Variants in ZNF326 observed in about 807,000 individuals in gnomAD.
ZNF326 encodes the protein zinc finger protein 326, also known as DBIRD complex subunit ZNF326.
A neutral mutation model predicts 63.1 loss-of-function variants in ZNF326; 30 were observed. That is an observed-to-expected ratio of 0.48 (90% CI 0.36 to 0.64). ZNF326 has a LOEUF of 0.64. Among genes scored for constraint, ZNF326 ranks in the 30% least tolerant of loss-of-function variants. The probability of loss-of-function intolerance (pLI) is 0.00; values close to 1 mark genes in which losing one functional copy is unlikely to be tolerated. For synonymous variants in ZNF326, 194 were observed against 228.2 expected (o/e 0.85, Z 1.35); for missense variants, 609 against 720.3 (o/e 0.85, Z 1.77).
intron 1 of ZNF326, among the ~76,000 whole-genome samples, chr1:89,997,698 T>A (rs1361460201): frequency 6.6e-6 from 1 of 152,152 alleles, no homozygotes; most frequent in Non-Finnish European, 1.5e-5. Context: ...AAAGAGCAAA[T>A]TAAATGGTAA....
At chr1:90,016,862 A>G (rs1212790397) in intron 7 of ZNF326, among the ~76,000 whole-genome samples, 1 of 152,236 alleles carries the variant, frequency 6.6e-6, no homozygotes, top group Non-Finnish European at 1.5e-5. Context: ...TTTAGAAGGC[A>G]AGACTTTTAT....
rs547487411 is a variant in ZNF326, at chr1:90,033,178, G to T, written c.*5477G>T. The T allele has an allele frequency of 6.6e-6, 1 of 152,216 alleles. No homozygotes were observed. Among genetic ancestry groups the T allele is most frequent in the East Asian group, 1.9e-4 (1 of 5,184 alleles). The allele number at this position is 152,216 out of a possible 1,614,324, so 9.4% of individuals were successfully genotyped here. A position where few individuals can be genotyped will look rare whatever the true frequency, so the allele number is the denominator to read the frequency against. On this transcript the variant is annotated 3_prime_UTR_variant, in exon 12 of 12. Coordinates refer to ENST00000340281, the MANE Select transcript of ZNF326 (RefSeq NM_182976.4). ...GCCTTCCACTACCTATTTCTTAGTAGATTTTACATTTTTAAAGGGTTGTAG... is the reference window on the plus strand; with the variant it reads ...GCCTTCCACTACCTATTTCTTAGTATATTTTACATTTTTAAAGGGTTGTAG...
chr1:90,013,944 A>G (rs1461156055), intron 7 of ZNF326, among the ~76,000 whole-genome samples: 1 of 152,140 alleles, frequency 6.6e-6, no homozygotes, highest in African/African-American at 2.4e-5. Context: ...GGGTGCCTGT[A>G]GTCCCAGCTA....
chr1:90,005,086 A>C, intron 3 of ZNF326, 47 bp from the exon 4 acceptor site: 1 of 1,614,032 alleles, frequency 6.2e-7, no homozygotes, highest in Non-Finnish European at 8.5e-7. Flanking sequence ...TTTGAGTGCC[A>C]GTAAAGGTGA....
chr1:90,014,083 A>G (rs1649382156), intron 7 of ZNF326, among the ~76,000 whole-genome samples: 1 of 152,062 alleles, frequency 6.6e-6, no homozygotes, highest in Non-Finnish European at 1.5e-5. Context: ...AAAGAGGGGA[A>G]TTGGTTGAAC....
At chr1:90,018,656 A>G (rs528482252) in intron 8 of ZNF326, 29 bp from the exon 9 acceptor site, 2 of 1,373,148 alleles carry the variant, frequency 1.5e-6, no homozygotes, top group South Asian at 2.6e-5. Context: ...ATTGAAAGCT[A>G]TTTAGATTCT....
chr1:90,017,283 A>C, intron 7 of ZNF326, 34 bp from the exon 8 acceptor site: 6 of 1,456,836 alleles, frequency 4.1e-6, no homozygotes, highest in Non-Finnish European at 5.6e-6. Context: ...TGAATAAAGT[A>C]ATATTTAAAG....
At chr1:90,001,434 C>G (rs1278339559) in intron 2 of ZNF326, among the ~76,000 whole-genome samples, 1 of 152,108 alleles carries the variant, frequency 6.6e-6, no homozygotes, top group African/African-American at 2.4e-5. Context: ...TTTGCAATAA[C>G]CTAGGTGGTA....
chr1:90,018,687 G>T lies in ZNF326; in HGVS notation c.1077G>T (p.Glu359Asp). ...ATTCTTTCTATTTTGTTTTCTAGGA[G>T]TGTATGGTGAATAAATTCAAGAAAA... is the stretch of plus-strand genomic sequence containing the variant. The part of the protein sequence containing the change: ...FDKVVMEFLH[E>D]CMVNKFKKTS... The change falls in exon 9 of 12, where the codon GAG becomes GAT. Residue 359 changes from glutamate to aspartate, a missense_variant and splice_region_variant. Physicochemically the swap from Glu to Asp is conservative, Grantham distance 45. Around this residue, in one of 3 missense-constraint regions of ZNF326, gnomAD observed 399 missense variants for 444.3 expected, o/e 0.90. Transcript: ENST00000340281. 1 of 1,566,186 alleles carries T rather than the reference G, an allele frequency of 6.4e-7. No homozygotes were observed. The highest frequency in any genetic ancestry group is 8.7e-7 in the Non-Finnish European group (1 of 1,152,148).
rs1489106714 is a variant in ZNF326 at position 90,035,168 on chromosome 1, CAAT to C, written c.*7471_*7473del. On this transcript the variant is annotated 3_prime_UTR_variant, in exon 12 of 12. Coordinates refer to ENST00000340281, the MANE Select transcript of ZNF326 (RefSeq NM_182976.4). ...ATCTGCATTCAAGTCAGGATTAAGA[CAAT>C]AATGACTGTTGCCTATGCAACAATC... The C allele has an allele frequency of 1.3e-5, 2 of 152,150 alleles. No individual in the cohort carries two copies. Among genetic ancestry groups the C allele is most frequent in the Non-Finnish European group, 2.9e-5 (2 of 68,016 alleles). The allele number at this position is 152,150 out of a possible 1,614,324, so 9.4% of individuals were successfully genotyped here.
In ZNF326 at chr1:90,035,054, C is replaced by T. The variant is rs1260517664; in HGVS notation, c.*7353C>T. 2 of 152,056 alleles carry T rather than the reference C, an allele frequency of 1.3e-5. No individual in the cohort carries two copies. Among genetic ancestry groups the T allele is most frequent in the African/African-American group, 4.8e-5 (2 of 41,402 alleles). The allele number at this position is 152,056 out of a possible 1,614,324, so 9.4% of individuals were successfully genotyped here. Reference sequence around the variant, plus strand: ...ACATTTCCTAAGATTGAACACATTCCAGATTTAAATTTTTCAGGCTGAGAA... The same window carrying T: ...ACATTTCCTAAGATTGAACACATTCTAGATTTAAATTTTTCAGGCTGAGAA... On this transcript the variant is annotated 3_prime_UTR_variant, in exon 12 of 12. Transcript: ENST00000340281.
chr1:90,014,308 A>G (rs1649391936), intron 7 of ZNF326, among the ~76,000 whole-genome samples: 1 of 152,212 alleles, frequency 6.6e-6, no homozygotes, highest in Non-Finnish European at 1.5e-5. Context: ...CAGACTTGGA[A>G]AATATAAACA....
chr1:90,002,215 C>T (rs1331223258), intron 2 of ZNF326, among the ~76,000 whole-genome samples: 1 of 152,080 alleles, frequency 6.6e-6, no homozygotes, highest in Non-Finnish European at 1.5e-5. Flanking sequence ...AGTAACATTA[C>T]TATGAACAAT....
chr1:90,014,640 A>T (rs1286966437), intron 7 of ZNF326, among the ~76,000 whole-genome samples: 1 of 152,194 alleles, frequency 6.6e-6, no homozygotes, highest in African/African-American at 2.4e-5. Flanking sequence ...CCTTGAGCCC[A>T]GAATTTTGAG....
chr1:90,025,997 C>T (rs1409413227), intron 11 of ZNF326, among the ~76,000 whole-genome samples: 3 of 149,984 alleles, frequency 2.0e-5, no homozygotes, highest in South Asian at 2.1e-4. Flanking sequence ...GACAGAGTCT[C>T]GCTGTGTCGC....
intron 2 of ZNF326, among the ~76,000 whole-genome samples, chr1:90,002,670 A>G (rs1230647879): frequency 6.6e-6 from 1 of 152,220 alleles, no homozygotes; most frequent in Non-Finnish European, 1.5e-5. Context: ...CACTTAAAAC[A>G]TGGATAGTTT....
intron 4 of ZNF326, chr1:90,005,709 C>T: frequency 1.0e-6 from 1 of 984,940 alleles, no homozygotes; most frequent in Non-Finnish European, 1.2e-6. Flanking sequence ...TTCCAAGAAA[C>T]ATTCAGGACA....
rs753989240 is a variant in ZNF326 at position 90,030,058 on chromosome 1, G to T, written c.*2357G>T. 6.6e-6 allele frequency: 1 copy of T among 152,132 alleles called. No homozygotes were observed. Among genetic ancestry groups the T allele is most frequent in the African/African-American group, 2.4e-5 (1 of 41,430 alleles). 9.4% of individuals were successfully genotyped at this position (152,132 alleles called of 1,614,324 possible). A position where few individuals can be genotyped will look rare whatever the true frequency, so the allele number is the denominator to read the frequency against. On this transcript the variant is annotated 3_prime_UTR_variant, in exon 12 of 12. Transcript: ENST00000340281. Reference sequence around the variant, plus strand: ...AGATACATAGTTCTAAATAACCAAAGAAATTTATTTATAACCTACACAGTT... The same window carrying T: ...AGATACATAGTTCTAAATAACCAAATAAATTTATTTATAACCTACACAGTT...
chr1:90,027,374 T>G lies in ZNF326; in HGVS notation c.1422T>G (p.Ile474Met), dbSNP rs778991749. Residue 474 changes from isoleucine to methionine, a missense_variant, in exon 12 of 12, where the codon ATT becomes ATG. By Grantham distance (10) the Ile-to-Met change is conservative. This residue lies in a region of ZNF326 where 399 missense variants were observed against 444.3 expected (regional missense o/e 0.90). Coordinates refer to ENST00000340281, the MANE Select transcript of ZNF326 (RefSeq NM_182976.4). The stretch of plus-strand genomic sequence containing the variant: ...TTTAGGGTGAGAATCCTTTTGAAAT[T>G]CAAGACCATTCTCAGGATCAGCAAA... ...RFVKGENPFE[I>M]QDHSQDQQIE... is the part of the protein sequence containing the mutation. 3.1e-6 allele frequency: 5 copies of G among 1,613,830 alleles called. No individual in the cohort carries two copies. The South Asian group carries it at 5.5e-5, about 18-fold the overall frequency.
Sources: gnomAD v4.1 joint callset for allele counts (sites outside exome capture counted in the v4.1 genomes callset) on GRCh38, gnomAD v4.1.1 for gene constraint, gnomAD v4.1.1 regional missense constraint, MANE v1.5 for transcripts, NCBI Gene and HGNC (gene_info 2026-07-23, HGNC 2026-07-21) for gene names.